The following NOX4 variants were observed in gnomAD, a reference collection of about 807,000 sequenced individuals.
NOX4 encodes kidney oxidase-1.
In NOX4, 69 loss-of-function variants were observed where a neutral mutation model predicts 87.6. The observed-to-expected ratio is 0.79, with a 90% CI of 0.65 to 0.96. The LOEUF (loss-of-function observed/expected upper bound fraction) is 0.96, where lower values mean the gene tolerates loss of function less well. Among genes scored for constraint, NOX4 ranks in the 40% least tolerant of loss-of-function variants. NOX4 has a pLI of 0.00. For synonymous variants in NOX4, 275 were observed against 238.2 expected, an observed-to-expected ratio of 1.15 and a Z score of -1.42; for missense variants, 680 against 681.5, an observed-to-expected ratio of 1.00 and a Z score of 0.02.
the NOX4 span, among the ~76,000 whole-genome samples, chr11:89,535,880 A>T: frequency 6.6e-6 from 1 of 152,162 alleles, no homozygotes; most frequent in Non-Finnish European, 1.5e-5. Context: ...AAAGCAGTCT[A>T]TTTATTTCAG....
At chr11:89,566,112 G>A in the NOX4 span, among the ~76,000 whole-genome samples, 2 of 149,522 alleles carry the variant, frequency 1.3e-5, no homozygotes, top group African/African-American at 2.5e-5. Context: ...GTGCAATCTC[G>A]GCTCACTGCA....
chr11:89,426,584 A>T lies in NOX4; in HGVS notation c.549-4602T>A, dbSNP rs973948956. On this transcript the variant is annotated intron_variant, in intron 7 of 17. Transcript: ENST00000263317. ...CACACCAGGAGATTATATCCCACGC[A>T]TGTCTCAGAGGGTCCCACACCCTCA... Among the ~76,000 whole-genome samples, 5 of 152,130 alleles carry T rather than the reference A, an allele frequency of 3.3e-5. No individual in the cohort carries two copies. In the South Asian group the frequency reaches 1.0e-3, roughly 32 times the overall value.
the NOX4 span, among the ~76,000 whole-genome samples, chr11:89,544,582 C>T: frequency 0.38 from 57,700 of 151,758 alleles, 11,257 homozygotes; most frequent in African/African-American, 0.46. Flanking sequence ...TCTAGATGGA[C>T]ATCTTTTAAG....
At chr11:89,327,424 A>T (rs149694483) in intron 17 of NOX4, among the ~76,000 whole-genome samples, 58 of 152,330 alleles carry the variant, frequency 3.8e-4, no homozygotes, top group African/African-American at 1.3e-3. Context: ...TCACAGTAAA[A>T]CAAAAAACAT....
chr11:89,386,838 C>T (rs1165736129), intron 11 of NOX4, among the ~76,000 whole-genome samples: 1 of 151,774 alleles, frequency 6.6e-6, no homozygotes, highest in Non-Finnish European at 1.5e-5. Flanking sequence ...AATTGGATGT[C>T]CTGGGTCCTC....
the NOX4 span, among the ~76,000 whole-genome samples, chr11:89,510,771 T>C: frequency 2.6e-5 from 4 of 152,228 alleles, no homozygotes; most frequent in South Asian, 2.1e-4. Flanking sequence ...ATGGTACCTA[T>C]GCATATTACT....
chr11:89,387,923 C>T (rs1193868552), intron 11 of NOX4, among the ~76,000 whole-genome samples: 1 of 152,188 alleles, frequency 6.6e-6, no homozygotes, highest in Non-Finnish European at 1.5e-5. Flanking sequence ...AAGAACAAAA[C>T]GTTACATTCT....
chr11:89,473,343 T>C (rs11018628), intron 2 of NOX4, among the ~76,000 whole-genome samples: 17,137 of 152,052 alleles, frequency 0.11, 1,193 homozygotes, highest in South Asian at 0.21. Context: ...CATCTACTCC[T>C]CATCAAAAAC....
At chr11:89,386,660 G>A (rs979840111) in intron 11 of NOX4, among the ~76,000 whole-genome samples, 3 of 151,864 alleles carry the variant, frequency 2.0e-5, no homozygotes, top group Admixed American at 6.6e-5. Flanking sequence ...TGGAGGCCTC[G>A]ACTTACTCAC....
chr11:89,498,081 G>A (rs1422146241), exon 1 of NOX4: 1 of 152,090 alleles, frequency 6.6e-6, no homozygotes, highest in African/African-American at 2.4e-5. Flanking sequence ...AGCTGCATCA[G>A]GAACCTCTTC....
intron 2 of NOX4, among the ~76,000 whole-genome samples, chr11:89,466,180 A>C (rs551839917): frequency 6.6e-6 from 1 of 152,288 alleles, no homozygotes; most frequent in East Asian, 1.9e-4. Context: ...AGTCTATGAT[A>C]TTTAGTTATA....
the NOX4 span, among the ~76,000 whole-genome samples, chr11:89,525,088 A>G: frequency 5.7e-4 from 87 of 152,176 alleles, no homozygotes; most frequent in Admixed American, 1.4e-3. Context: ...TAAAATTTCA[A>G]TCACCTAGGG....
intron 7 of NOX4, among the ~76,000 whole-genome samples, chr11:89,430,921 A>G (rs1289811154): frequency 6.6e-6 from 1 of 152,210 alleles, no homozygotes; most frequent in Non-Finnish European, 1.5e-5. Flanking sequence ...AAAAGAACAA[A>G]GCTGGAGGCA....
intron 2 of NOX4, among the ~76,000 whole-genome samples, chr11:89,474,988 G>A (rs1946103539): frequency 6.6e-6 from 1 of 151,704 alleles, no homozygotes; most frequent in African/African-American, 2.4e-5. Flanking sequence ...GTAAATAACA[G>A]AAGCCAACTG....
intron 7 of NOX4, 146 bp downstream of exon 7, chr11:89,432,638 T>C (rs1189538410): frequency 1.8e-6 from 1 of 553,048 alleles, no homozygotes; most frequent in African/African-American, 1.9e-5. Flanking sequence ...CAAGAAGTCA[T>C]GTATAGAAAC....
chr11:89,482,752 T>C (rs1946441256), intron 2 of NOX4, among the ~76,000 whole-genome samples: 1 of 152,046 alleles, frequency 6.6e-6, no homozygotes, highest in African/African-American at 2.4e-5. Context: ...TTACTTCTGA[T>C]CAAATACTTC....
the NOX4 span, among the ~76,000 whole-genome samples, chr11:89,560,849 G>A: frequency 6.6e-6 from 1 of 150,428 alleles, no homozygotes; most frequent in Non-Finnish European, 1.5e-5. Flanking sequence ...TGTTTACCTT[G>A]TTCTGAGGTT....
the NOX4 span, among the ~76,000 whole-genome samples, chr11:89,544,762 C>T: frequency 6.6e-6 from 1 of 151,826 alleles, no homozygotes; most frequent in African/African-American, 2.4e-5. Flanking sequence ...GTATGTCATA[C>T]AGCAAAAAAA....
chr11:89,429,425 G>C (rs545681887), intron 7 of NOX4, among the ~76,000 whole-genome samples: 1 of 152,196 alleles, frequency 6.6e-6, no homozygotes, highest in East Asian at 1.9e-4. Context: ...GCAGAAGCTG[G>C]TTTTTTGAAA....
Sources: allele counts gnomAD v4.1 joint callset (sites outside exome capture counted in the v4.1 genomes callset), GRCh38; gene constraint gnomAD v4.1.1; transcripts MANE v1.5; gene names NCBI Gene and HGNC (gene_info 2026-07-23, HGNC 2026-07-21).